The following EXD2 variants were observed in gnomAD, a reference collection of about 807,000 sequenced individuals.
EXD2 encodes exonuclease 3'-5' domain containing 2.
A neutral mutation model predicts 62.5 loss-of-function variants in EXD2; 40 were observed. The ratio of observed to expected loss-of-function variants is 0.64; its 90% CI spans 0.50 to 0.83. The LOEUF is 0.83. EXD2 is among the 40% of genes least tolerant of loss of function. The pLI is 0.00. For missense variants in EXD2, 671 were observed against 761.8 expected, an observed-to-expected ratio of 0.88 and a Z score of 1.40; for synonymous variants, 239 against 291.9, an observed-to-expected ratio of 0.82 and a Z score of 1.85.
intron 1 of EXD2, among the ~76,000 whole-genome samples, chr14:69,193,383 T>C (rs2042099767): frequency 6.6e-6 from 1 of 152,170 alleles, no homozygotes; most frequent in African/African-American, 2.4e-5. Context: ...GATCATTTAA[T>C]GGTATCGATC....
chr14:69,235,003 A>T lies in EXD2; in HGVS notation c.1021A>T (p.Lys341Ter), dbSNP rs765023615. The T allele has an allele frequency of 1.7e-5, 27 of 1,604,670 alleles. No homozygotes were observed. The highest frequency in any genetic ancestry group is 2.3e-5 in the Non-Finnish European group (27 of 1,176,512). Residue 341 changes from lysine to a stop codon, truncating the protein, a stop_gained, in exon 6 of 10, where the codon AAG becomes TAG. Coordinates refer to ENST00000685843, the MANE Select transcript of EXD2 (RefSeq NM_001193360.2). LOFTEE classifies it high-confidence loss of function. ...QGRDPRKHKR[K>*]PLGVGYSARK... is the part of the protein sequence containing the mutation. ...GAGAGACCCCAGAAAACATAAAAGAAAGCCTCTGGGGGTGGGCTATTCTGC... is the reference window on the plus strand; with the variant it reads ...GAGAGACCCCAGAAAACATAAAAGATAGCCTCTGGGGGTGGGCTATTCTGC...
At chr14:69,227,562 C>T (rs193113878) in intron 3 of EXD2, among the ~76,000 whole-genome samples, 89 of 152,242 alleles carry the variant, frequency 5.8e-4, no homozygotes, top group African/African-American at 2.0e-3. Context: ...AAAGATTAAA[C>T]CTCAGCCAGG....
chr14:69,204,404 C>G (rs1334837930), intron 2 of EXD2, among the ~76,000 whole-genome samples: 3 of 152,166 alleles, frequency 2.0e-5, no homozygotes, highest in Non-Finnish European at 4.4e-5. Flanking sequence ...ACCCGCATCT[C>G]TACAAGAAAT....
At chr14:69,199,086 A>G (rs1454676559) in intron 1 of EXD2, among the ~76,000 whole-genome samples, 1 of 152,246 alleles carries the variant, frequency 6.6e-6, no homozygotes, top group Non-Finnish European at 1.5e-5. Context: ...TCTACTAAAA[A>G]TTTAAAAAAT....
chr14:69,197,967 T>C (rs574677450), intron 1 of EXD2, among the ~76,000 whole-genome samples: 135 of 152,350 alleles, frequency 8.9e-4, no homozygotes, highest in Non-Finnish European at 1.6e-3. Flanking sequence ...GCCTGGCACA[T>C]GATTGGTCCT....
chr14:69,222,756 T>A (rs945245838), intron 3 of EXD2, among the ~76,000 whole-genome samples: 3 of 152,216 alleles, frequency 2.0e-5, no homozygotes, highest in African/African-American at 7.2e-5. Flanking sequence ...GTATTACCTT[T>A]CATGTTTTCT....
intron 1 of EXD2, among the ~76,000 whole-genome samples, chr14:69,201,672 G>GTTTTTTGTTTTTTTTTTTTTTTTTT (rs2042402768): frequency 1.4e-4 from 8 of 59,024 alleles, no homozygotes; most frequent in African/African-American, 5.4e-4. Flanking sequence ...TGTTTTCTCT[G>GTTTTTTGTTTTTTTTTTTTTTTTTT]TTTTTTTTTT....
At position 69,235,198 on chromosome 14, in the gene EXD2, CTTTA is replaced by C. The variant is rs569733514; in HGVS notation, c.1049+171_1049+174del. On this transcript the variant is annotated intron_variant, in intron 6 of 9. Transcript: ENST00000685843. Reference sequence around the variant, plus strand: ...TCAGAGACATTTGGTCTCTCCTTTGCTTTATTTGTGTATTTTTCTCCTTTTCCCT... The same window carrying C: ...TCAGAGACATTTGGTCTCTCCTTTGCTTTGTGTATTTTTCTCCTTTTCCCT... 3.5e-3 allele frequency among the ~76,000 whole-genome samples: 538 copies of C among 152,252 alleles called. 2 individuals are homozygous for C. The highest frequency in any genetic ancestry group is 5.6e-3 in the Non-Finnish European group (380 of 68,002).
At chr14:69,194,741 T>C (rs1203724932) in intron 1 of EXD2, among the ~76,000 whole-genome samples, 1 of 152,234 alleles carries the variant, frequency 6.6e-6, no homozygotes, top group East Asian at 1.9e-4. Flanking sequence ...CACAACATCC[T>C]ATATTAAACT....
At chr14:69,214,512 A>T (rs2042928528) in intron 3 of EXD2, among the ~76,000 whole-genome samples, 1 of 151,760 alleles carries the variant, frequency 6.6e-6, no homozygotes, top group African/African-American at 2.4e-5. Flanking sequence ...AGACTTTTTT[A>T]TTGTGAAATA....
chr14:69,224,052 T>G (rs2043278563), intron 3 of EXD2: 1 of 152,256 alleles, frequency 6.6e-6, no homozygotes, highest in African/African-American at 2.4e-5. Context: ...TTTTTTTTTT[T>G]GAGACAGGGT....
Position 69,237,740 on chromosome 14 carries a change from C to T in EXD2, c.1458C>T (p.Gly486=), listed in dbSNP as rs912313083. The change falls in exon 9 of 10, where the codon GGC becomes GGT. Residue 486 remains glycine, a synonymous_variant. Transcript: ENST00000685843. ...QLAKEFQAPI[G]SEEGLRLLED... ...CCAAGGAGTTCCAGGCCCCCATCGG[C>T]TCTGAGGAGGGCTTGCGCCTGCTGG... The T allele has an allele frequency of 5.0e-6, 8 of 1,613,974 alleles. No individual in the cohort carries two copies. Among genetic ancestry groups the T allele is most frequent in the African/African-American group, 1.3e-5 (1 of 74,956 alleles).
intron 6 of EXD2, 53 bp from the exon 7 acceptor site, chr14:69,235,993 T>C: frequency 1.4e-6 from 2 of 1,380,096 alleles, no homozygotes; most frequent in Non-Finnish European, 2.1e-6. Flanking sequence ...GCAACAGACA[T>C]TTTGACCCAC....
chr14:69,219,594 A>AT (rs2043101537), intron 3 of EXD2, among the ~76,000 whole-genome samples: 1 of 152,178 alleles, frequency 6.6e-6, no homozygotes, highest in Non-Finnish European at 1.5e-5. Flanking sequence ...TAATGTATTT[A>AT]TAGTTTTCTG....
intron 3 of EXD2, among the ~76,000 whole-genome samples, chr14:69,228,434 C>A (rs567670401): frequency 6.6e-6 from 1 of 152,088 alleles, no homozygotes; most frequent in Non-Finnish European, 1.5e-5. Flanking sequence ...TCAGGTGATC[C>A]GCCCGCCTTG....
chr14:69,236,673 G>A, intron 8 of EXD2, 131 bp downstream of exon 8: 2 of 1,206,092 alleles, frequency 1.7e-6, no homozygotes, highest in Non-Finnish European at 2.4e-6. Flanking sequence ...CTAGTATCCA[G>A]CTTCCCCAAG....
At chr14:69,217,786 G>A (rs552194001) in intron 3 of EXD2, among the ~76,000 whole-genome samples, 22 of 152,164 alleles carry the variant, frequency 1.4e-4, no homozygotes, top group Admixed American at 1.2e-3. Context: ...GAGAACATGC[G>A]GTGTTTGGTT....
chr14:69,201,680 T>G lies in EXD2; in HGVS notation c.-131-2237T>G, dbSNP rs540508417. Among the ~76,000 whole-genome samples the G allele has an allele frequency of 1.9e-3, 242 of 130,310 alleles. 1 individual carries two copies. Among genetic ancestry groups the G allele is most frequent in the African/African-American group, 7.0e-3 (222 of 31,872 alleles). The allele number at this position is 130,310 out of a possible 152,430, so 85.5% of individuals were successfully genotyped here. A position where few individuals can be genotyped will look rare whatever the true frequency, so the allele number is the denominator to read the frequency against. ...CAGCAAGTGTTTTCTCTGTTTTTTTTTTTTTTTTTTTTTTTTTTTTGAGAC... is the reference window on the plus strand; with the variant it reads ...CAGCAAGTGTTTTCTCTGTTTTTTTGTTTTTTTTTTTTTTTTTTTTGAGAC... On this transcript the variant is annotated intron_variant, in intron 1 of 9. Coordinates refer to ENST00000685843, the MANE Select transcript of EXD2 (RefSeq NM_001193360.2).
chr14:69,239,792 G>C (rs1370894993), intron 9 of EXD2, among the ~76,000 whole-genome samples: 1 of 152,322 alleles, frequency 6.6e-6, no homozygotes, highest in East Asian at 1.9e-4. Flanking sequence ...AGTAGAGGCA[G>C]GGTTTCACCT....
Sources: allele counts gnomAD v4.1 joint callset (sites outside exome capture counted in the v4.1 genomes callset), GRCh38; gene constraint gnomAD v4.1.1; transcripts MANE v1.5; gene names NCBI Gene and HGNC (gene_info 2026-07-23, HGNC 2026-07-21).